The following NRXN1 variants were observed in gnomAD, a reference collection of about 807,000 sequenced individuals.
NRXN1 encodes neurexin 1, also known as neurexin-1.
A neutral mutation model predicts 150.9 loss-of-function variants in NRXN1; 39 were observed. That is an observed-to-expected ratio of 0.26 (90% CI 0.20 to 0.34). The LOEUF (loss-of-function observed/expected upper bound fraction) is 0.34, where lower values mean the gene tolerates loss of function less well. Among genes scored for constraint, NRXN1 ranks in the 10% least tolerant of loss-of-function variants. NRXN1 has a pLI of 1.00. For synonymous variants in NRXN1, 924 were observed against 757.0 expected, an observed-to-expected ratio of 1.22 and a Z score of -3.62; for missense variants, 1,815 against 1,949.9, an observed-to-expected ratio of 0.93 and a Z score of 1.30.
At chr2:50,670,002 T>G (rs1034611610) in intron 5 of NRXN1, among the ~76,000 whole-genome samples, 1 of 151,836 alleles carries the variant, frequency 6.6e-6, no homozygotes, top group African/African-American at 2.4e-5. Flanking sequence ...CAACACATAA[T>G]TTTTGTTATA....
At chr2:50,426,290 T>C (rs905046425) in intron 17 of NRXN1, among the ~76,000 whole-genome samples, 4 of 152,316 alleles carry the variant, frequency 2.6e-5, no homozygotes, top group South Asian at 4.1e-4. Context: ...TGTAAGAGAT[T>C]GTATAGGTGA....
chr2:50,419,731 A>G (rs1368487270), intron 17 of NRXN1, among the ~76,000 whole-genome samples: 2 of 152,174 alleles, frequency 1.3e-5, no homozygotes, highest in East Asian at 3.9e-4. Context: ...TGTAATGTAA[A>G]AACATTAAAA....
rs1330397327 is a variant in NRXN1, at chr2:50,347,797, T to C, written c.3365-110827A>G. The C allele has an allele frequency of 2.0e-6, 2 of 986,178 alleles. No homozygotes were observed. Among genetic ancestry groups the C allele is most frequent in the African/African-American group, 1.7e-5 (1 of 57,234 alleles). 61.1% of individuals were successfully genotyped at this position (986,178 alleles called of 1,614,324 possible). A position where few individuals can be genotyped will look rare whatever the true frequency, so the allele number is the denominator to read the frequency against. ...CACGCTGGTGAAGCAAGGGGCTCTA[T>C]GCAAATCTGCAGTCTCCAAACAGCA... On this transcript the variant is annotated intron_variant, in intron 17 of 22. Transcript: ENST00000401669. This position sits in a 1 kb window ranked among gnomAD's most constrained non-coding sequence, Gnocchi z 4.9.
chr2:50,208,862 G>A (rs1424521264), intron 18 of NRXN1, among the ~76,000 whole-genome samples: 1 of 152,086 alleles, frequency 6.6e-6, no homozygotes, highest in African/African-American at 2.4e-5. Flanking sequence ...AAACATTTGG[G>A]TCTTGTTCAT....
chr2:50,721,921 C>T (rs1349455069), intron 5 of NRXN1, among the ~76,000 whole-genome samples: 2 of 152,100 alleles, frequency 1.3e-5, no homozygotes, highest in East Asian at 3.9e-4. Flanking sequence ...TCAACTACTA[C>T]ACACCAGAAT....
chr2:50,177,151 G>C (rs2060404744), intron 18 of NRXN1, among the ~76,000 whole-genome samples: 1 of 152,062 alleles, frequency 6.6e-6, no homozygotes, highest in South Asian at 2.1e-4. Flanking sequence ...CTTGTTACAT[G>C]GATATTACTT....
chr2:50,908,840 C>T (rs1054179362), intron 5 of NRXN1, among the ~76,000 whole-genome samples: 6 of 151,962 alleles, frequency 3.9e-5, no homozygotes, highest in African/African-American at 7.2e-5. Context: ...GAGACCTGAG[C>T]TGGCAGGGAC....
intron 2 of NRXN1, among the ~76,000 whole-genome samples, chr2:50,942,092 C>T (rs531392446): frequency 1.3e-5 from 2 of 152,160 alleles, no homozygotes; most frequent in African/African-American, 2.4e-5. Flanking sequence ...GGAGAAGGCA[C>T]AGCACAGGCC....
At chr2:50,353,864 G>A (rs943950720) in intron 17 of NRXN1, among the ~76,000 whole-genome samples, 2 of 152,106 alleles carry the variant, frequency 1.3e-5, no homozygotes, top group East Asian at 1.9e-4. Context: ...ATACACTAGA[G>A]GGGCTAGAAG....
At chr2:50,036,052 G>A (rs549772838) in intron 21 of NRXN1, among the ~76,000 whole-genome samples, 5 of 152,184 alleles carry the variant, frequency 3.3e-5, no homozygotes, top group South Asian at 2.1e-4. Flanking sequence ...AGGAAAATGC[G>A]CAGAATAGAA....
At chr2:49,985,348 T>G (rs918448242) in intron 21 of NRXN1, among the ~76,000 whole-genome samples, 1 of 152,154 alleles carries the variant, frequency 6.6e-6, no homozygotes, top group Admixed American at 6.5e-5. Context: ...TGGAAGAAAT[T>G]AGTGTTCTAT....
At chr2:50,057,597 T>C (rs1446945277) in intron 19 of NRXN1, among the ~76,000 whole-genome samples, 1 of 152,228 alleles carries the variant, frequency 6.6e-6, no homozygotes, top group Non-Finnish European at 1.5e-5. Context: ...CTATGTGCAG[T>C]ATTTATTATT....
At chr2:50,060,650 G>T (rs1262197448) in intron 19 of NRXN1, among the ~76,000 whole-genome samples, 1 of 152,138 alleles carries the variant, frequency 6.6e-6, no homozygotes, top group Non-Finnish European at 1.5e-5. Flanking sequence ...GAGACACCCA[G>T]TGGGAGGTAA....
At chr2:50,224,796 G>T (rs962149057) in intron 18 of NRXN1, among the ~76,000 whole-genome samples, 1 of 151,504 alleles carries the variant, frequency 6.6e-6, no homozygotes, top group African/African-American at 2.4e-5. Context: ...AATTAGGGAG[G>T]ATTACTACAG....
At chr2:50,811,560 C>T (rs146254461) in intron 5 of NRXN1, among the ~76,000 whole-genome samples, 1 of 152,108 alleles carries the variant, frequency 6.6e-6, no homozygotes, top group Admixed American at 6.5e-5. Flanking sequence ...TCAGTTGGCA[C>T]TCCAAAGCAC....
chr2:50,139,605 A>G (rs116230909), intron 18 of NRXN1, among the ~76,000 whole-genome samples: 8 of 152,052 alleles, frequency 5.3e-5, no homozygotes, highest in African/African-American at 1.5e-4. Flanking sequence ...AGAGGAAAAA[A>G]CAAAACAAAA....
At chr2:50,056,520 A>G (rs190770005) in intron 19 of NRXN1, among the ~76,000 whole-genome samples, 5 of 152,292 alleles carry the variant, frequency 3.3e-5, no homozygotes, top group Admixed American at 2.6e-4. Flanking sequence ...TCACTAAAAC[A>G]TTGTAAAATA....
At chr2:50,479,761 C>CTTTTTCTTT (rs2090303296) in intron 15 of NRXN1, among the ~76,000 whole-genome samples, 1 of 69,002 alleles carries the variant, frequency 1.4e-5, no homozygotes, top group Non-Finnish European at 3.1e-5. Context: ...TAATCCATTT[C>CTTTTTCTTT]TTTTTCTTTT....
chr2:50,671,711 T>C (rs1483630403), intron 5 of NRXN1, among the ~76,000 whole-genome samples: 3 of 151,932 alleles, frequency 2.0e-5, no homozygotes, highest in African/African-American at 4.8e-5. Flanking sequence ...GAATTAATTA[T>C]TGAAGTAGAG....
Sources: allele counts gnomAD v4.1 joint callset (sites outside exome capture counted in the v4.1 genomes callset), GRCh38; gene constraint gnomAD v4.1.1; non-coding constraint Gnocchi (gnomAD v3.1); transcripts MANE v1.5; gene names NCBI Gene and HGNC (gene_info 2026-07-23, HGNC 2026-07-21).